Variants in ZNF529 observed in about 807,000 individuals in gnomAD.
ZNF529 encodes zinc finger protein 529.
A neutral mutation model predicts 10.1 loss-of-function variants in ZNF529; 11 were observed. That is an observed-to-expected ratio of 1.09 (90% CI 0.69 to 1.81). The LOEUF (loss-of-function observed/expected upper bound fraction) is 1.81, where lower values mean the gene tolerates loss of function less well. Ranked by LOEUF, ZNF529 falls within the 40% of genes most tolerant of loss-of-function variation. ZNF529 has a pLI of 0.00. For synonymous variants in ZNF529, 204 were observed against 215.7 expected (o/e 0.95, Z 0.47); for missense variants, 624 against 666.8 (o/e 0.94, Z 0.71).
At chr19:36,576,800 T>C (rs900871670), upstream of ZNF529, among the ~76,000 whole-genome samples, 72 of 152,030 alleles carry the variant, frequency 4.7e-4, 1 homozygote, top group African/African-American at 1.6e-3. Context: ...CATATTCCCT[T>C]GAATTAAATA....
intron 2 of ZNF529, among the ~76,000 whole-genome samples, chr19:36,568,431 T>C (rs761371250): frequency 2.9e-4 from 20 of 69,620 alleles, no homozygotes; most frequent in Admixed American, 8.5e-4. Context: ...GTGGGCTCCT[T>C]GAGGTACTGA....
chr19:36,577,255 C>T (rs765097534), upstream of ZNF529: 26 of 428,764 alleles, frequency 6.1e-5, no homozygotes, highest in Admixed American at 2.8e-4. Flanking sequence ...CCACCGTGCC[C>T]GGCCCTACTT....
At chr19:36,570,015 G>C (rs2036039739) in intron 2 of ZNF529, among the ~76,000 whole-genome samples, 2 of 152,090 alleles carry the variant, frequency 1.3e-5, no homozygotes, top group Non-Finnish European at 2.9e-5. Flanking sequence ...TGACTAAGTA[G>C]GTAAGGTCAG....
chr19:36,560,257 CAAAAAAAAAAAAAA>C (rs58196878), intron 2 of ZNF529, among the ~76,000 whole-genome samples: 12 of 104,382 alleles, frequency 1.1e-4, no homozygotes, highest in Non-Finnish European at 1.7e-4. Context: ...AACTCCGTCT[CAAAAAAAAAAAAAA>C]AAAAAAAAAA....
intron 2 of ZNF529, among the ~76,000 whole-genome samples, chr19:36,571,605 G>A (rs2036111872): frequency 6.6e-6 from 1 of 151,434 alleles, no homozygotes. Flanking sequence ...AACCTGGGAG[G>A]CAGAGGTTGC....
intron 1 of ZNF529, among the ~76,000 whole-genome samples, chr19:36,596,443 AT>A (rs957127387): frequency 6.6e-6 from 1 of 151,680 alleles, no homozygotes; most frequent in African/African-American, 2.4e-5. Context: ...CTTAAACTCT[AT>A]TTTTTTGACA....
intron 2 of ZNF529, among the ~76,000 whole-genome samples, chr19:36,571,327 G>A (rs1436572520): frequency 1.3e-5 from 2 of 152,134 alleles, no homozygotes; most frequent in Non-Finnish European, 2.9e-5. Context: ...GGATATATTG[G>A]TTTAAATAAA....
chr19:36,561,383 CTTT>C (rs78597357), intron 2 of ZNF529, among the ~76,000 whole-genome samples: 7 of 137,258 alleles, frequency 5.1e-5, no homozygotes, highest in Admixed American at 7.3e-5. Flanking sequence ...AAAGAGATTT[CTTT>C]TTTTTTTTTT....
At chr19:36,554,414 T>C (rs2035380588) in intron 4 of ZNF529, among the ~76,000 whole-genome samples, 2 of 152,188 alleles carry the variant, frequency 1.3e-5, no homozygotes, top group East Asian at 1.9e-4. Context: ...CTGTCTCTAC[T>C]AAAAATACAA....
intron 1 of ZNF529, among the ~76,000 whole-genome samples, chr19:36,601,804 T>C (rs2036927636): frequency 6.6e-6 from 1 of 152,080 alleles, no homozygotes; most frequent in South Asian, 2.1e-4. Flanking sequence ...ATTCAGATAC[T>C]ATAGAATAGG....
At chr19:36,559,612 A>G (rs940919842) in intron 2 of ZNF529, among the ~76,000 whole-genome samples, 3 of 152,230 alleles carry the variant, frequency 2.0e-5, no homozygotes, top group East Asian at 1.9e-4. Flanking sequence ...TGGCCAAGTC[A>G]GTAACTTGAA....
intron 4 of ZNF529, among the ~76,000 whole-genome samples, chr19:36,550,313 T>C (rs1367928796): frequency 6.6e-6 from 1 of 152,150 alleles, no homozygotes; most frequent in Admixed American, 6.5e-5. Flanking sequence ...GAGGCCAAGG[T>C]GTGCGGATCA....
chr19:36,603,109 T>C (rs2036955865), intron 1 of ZNF529, among the ~76,000 whole-genome samples: 1 of 152,134 alleles, frequency 6.6e-6, no homozygotes, highest in African/African-American at 2.4e-5. Context: ...CAAAAAAAGT[T>C]ACTATAACCA....
intron 3 of ZNF529, among the ~76,000 whole-genome samples, chr19:36,555,293 T>C (rs1454049515): frequency 1.1e-5 from 1 of 90,274 alleles, no homozygotes; most frequent in Admixed American, 9.4e-5. Flanking sequence ...ATAAAGTTTT[T>C]TTTTTTTTTT....
chr19:36,600,625 G>A (rs1261020078), intron 1 of ZNF529, among the ~76,000 whole-genome samples: 1 of 152,070 alleles, frequency 6.6e-6, no homozygotes, highest in Non-Finnish European at 1.5e-5. Flanking sequence ...TAGATCAGTG[G>A]TTCAAAACAT....
chr19:36,575,323 T>C (rs2036290190), upstream of ZNF529, among the ~76,000 whole-genome samples: 1 of 152,226 alleles, frequency 6.6e-6, no homozygotes, highest in South Asian at 2.1e-4. Flanking sequence ...AATTTCTAGA[T>C]GACAGGGTTG....
intron 2 of ZNF529, among the ~76,000 whole-genome samples, chr19:36,561,968 G>GC (rs1419592585): frequency 6.6e-6 from 1 of 152,232 alleles, no homozygotes; most frequent in Admixed American, 6.5e-5. Context: ...GGGTGCAGTG[G>GC]CTCATGCCTA....
chr19:36,583,621 G>A (rs185785569), intron 2 of ZNF529, among the ~76,000 whole-genome samples: 108 of 150,878 alleles, frequency 7.2e-4, no homozygotes, highest in African/African-American at 2.6e-3. Flanking sequence ...AATAAAGTTG[G>A]CACCTACAAG....
At chr19:36,602,525 G>A (rs973066381) in intron 1 of ZNF529, among the ~76,000 whole-genome samples, 1 of 151,908 alleles carries the variant, frequency 6.6e-6, no homozygotes, top group African/African-American at 2.4e-5. Context: ...CAGGCTACAG[G>A]CTGGATTTGG....
Sources: gnomAD v4.1 joint callset for allele counts (sites outside exome capture counted in the v4.1 genomes callset) on GRCh38, gnomAD v4.1.1 for gene constraint, MANE v1.5 for transcripts, NCBI Gene and HGNC (gene_info 2026-07-23, HGNC 2026-07-21) for gene names.